Variants in OTOF observed in about 807,000 individuals in gnomAD.
OTOF encodes otoferlin.
Under a neutral mutation model 236.8 loss-of-function variants are expected in OTOF, and 218 were observed. The ratio of observed to expected loss-of-function variants is 0.92; its 90% CI spans 0.82 to 1.03. The LOEUF (loss-of-function observed/expected upper bound fraction) is 1.03, where lower values mean the gene tolerates loss of function less well. Among genes scored for constraint, OTOF ranks in the 50% least tolerant of loss-of-function variants. The pLI, the probability that OTOF is intolerant of heterozygous loss-of-function variation, is 0.00. For synonymous variants in OTOF, 1,041 were observed against 1,072.5 expected (o/e 0.97, Z 0.57); for missense variants, 2,590 against 2,694.4 (o/e 0.96, Z 0.86).
At chr2:26,547,272 T>G (rs914866283) in intron 1 of OTOF, among the ~76,000 whole-genome samples, 1 of 152,338 alleles carries the variant, frequency 6.6e-6, no homozygotes. Context: ...TGGTAAAATA[T>G]TTTGATTTTC....
At chr2:26,466,359 C>G (rs915429810) in intron 36 of OTOF, 9 of 519,188 alleles carry the variant, frequency 1.7e-5, no homozygotes, top group Non-Finnish European at 2.8e-5. Context: ...TCCTTTGAGA[C>G]AGAGTCTCGC....
At chr2:26,511,154 C>T (rs897039515) in intron 5 of OTOF, among the ~76,000 whole-genome samples, 1 of 152,060 alleles carries the variant, frequency 6.6e-6, no homozygotes. Context: ...CTCCTCTGCC[C>T]ACCGGCTCCC....
Position 26,549,445 on chromosome 2 carries a change from T to C in OTOF, c.79+9048A>G, listed in dbSNP as rs533838265. On this transcript the variant is annotated intron_variant, in intron 1 of 46. Transcript: ENST00000272371. ...CTCATGTTTCTTACATAGTATACTC[T>C]CTGAAAATCACCAATGACTCACAGA... 1.0e-3 allele frequency among the ~76,000 whole-genome samples: 157 copies of C among 152,318 alleles called. No homozygotes were observed. The South Asian group carries it at 0.012, about 11-fold the overall frequency.
intron 5 of OTOF, among the ~76,000 whole-genome samples, chr2:26,505,436 G>C (rs202054093): frequency 1.1e-4 from 12 of 112,758 alleles, no homozygotes; most frequent in South Asian, 6.2e-4. Context: ...CACACACACA[G>C]ACACACACAC....
chr2:26,513,085 A>C (rs1392013754), intron 5 of OTOF, among the ~76,000 whole-genome samples: 1 of 152,106 alleles, frequency 6.6e-6, no homozygotes, highest in Non-Finnish European at 1.5e-5. Context: ...CATGCGGCTG[A>C]CCAGGGCCTA....
chr2:26,537,567 C>T, intron 2 of OTOF, 149 bp downstream of exon 2: 2 of 695,486 alleles, frequency 2.9e-6, no homozygotes, highest in East Asian at 2.7e-5. Context: ...TCCTTACCAC[C>T]TCCTTCAGGA....
chr2:26,477,157 C>T lies in OTOF; in HGVS notation c.2523+15G>A, dbSNP rs1179496946. On this transcript the variant is annotated intron_variant, in intron 21 of 46. Coordinates refer to ENST00000272371, the MANE Select transcript of OTOF (RefSeq NM_194248.3). This position sits in a 1 kb window ranked among gnomAD's most constrained non-coding sequence, Gnocchi z 4.7. ...AGCCCTGGATGAGGCAAAGCCCCGA[C>T]CCCTTGGGCCGCACCTCGTCCGCCA... is the stretch of plus-strand genomic sequence containing the variant. 27 of 1,605,896 alleles carry T rather than the reference C, an allele frequency of 1.7e-5. No individual in the cohort carries two copies. Among genetic ancestry groups the T allele is most frequent in the Admixed American group, 3.3e-5 (2 of 59,854 alleles).
At chr2:26,505,113 A>C (rs990847195) in intron 5 of OTOF, among the ~76,000 whole-genome samples, 1 of 152,174 alleles carries the variant, frequency 6.6e-6, no homozygotes, top group African/African-American at 2.4e-5. Flanking sequence ...GCCCTATCCC[A>C]ACCCCAGGAC....
chr2:26,474,700 C>G lies in OTOF; in HGVS notation c.3127-26G>C, dbSNP rs369427316. 4.3e-6 allele frequency: 7 copies of G among 1,612,420 alleles called. No homozygotes were observed. In the African/African-American group the frequency reaches 8.0e-5, roughly 18 times the overall value. On this transcript the variant is annotated intron_variant, in intron 25 of 46. Transcript: ENST00000272371. ...CTGACGCAACAGACAACCCAGAAGC[C>G]TCTTGGTGCTTGCTGTCCACACCTG...
At chr2:26,485,207 C>T (rs1665672123) in intron 11 of OTOF, among the ~76,000 whole-genome samples, 1 of 152,256 alleles carries the variant, frequency 6.6e-6, no homozygotes, top group African/African-American at 2.4e-5. Context: ...ATCTGCTGCT[C>T]TTTGAGCTTG....
chr2:26,486,620 G>C (rs1486276274), intron 11 of OTOF, among the ~76,000 whole-genome samples: 1 of 152,186 alleles, frequency 6.6e-6, no homozygotes. Flanking sequence ...AGTGGGTGAA[G>C]GTTACAGGGT....
In OTOF at chr2:26,536,538, T is replaced by G. The variant is rs527631921; in HGVS notation, c.138+1178A>C. 4.5e-4 allele frequency among the ~76,000 whole-genome samples: 68 copies of G among 152,242 alleles called. 2 individuals carry two copies. Among genetic ancestry groups the G allele is most frequent in the African/African-American group, 1.6e-3 (66 of 41,538 alleles). On this transcript the variant is annotated intron_variant, in intron 2 of 46. Coordinates refer to ENST00000272371, the MANE Select transcript of OTOF (RefSeq NM_194248.3). Reference sequence around the variant, plus strand: ...GTGAGGAGCGAGGTTTTGCTCCCTGTGTCTCCAGCTCTGGGTCGATGGACA... The same window carrying G: ...GTGAGGAGCGAGGTTTTGCTCCCTGGGTCTCCAGCTCTGGGTCGATGGACA...
In OTOF at chr2:26,465,830, G is replaced by A. The variant is rs145770014; in HGVS notation, c.4641C>T (p.Ile1547=). 1.1e-5 allele frequency: 17 copies of A among 1,614,122 alleles called. No individual in the cohort carries two copies. Among genetic ancestry groups the A allele is most frequent in the African/African-American group, 5.3e-5 (4 of 74,938 alleles). Residue 1547 remains isoleucine, a synonymous_variant, in exon 38 of 47, where the codon ATC becomes ATT. Coordinates refer to ENST00000272371, the MANE Select transcript of OTOF (RefSeq NM_194248.3). ...TGGATTCCATGGGGAAGGAGGCCTC[G>A]ATGTCAAAGGACCTGGTGGGGTGGA... ...LNPVFGKSFD[I]EASFPMESML...
chr2:26,511,180 C>G (rs971372874), intron 5 of OTOF, among the ~76,000 whole-genome samples: 3 of 152,068 alleles, frequency 2.0e-5, no homozygotes, highest in African/African-American at 7.2e-5. Flanking sequence ...CCCCTGCTCC[C>G]CTCCAATGGG....
At chr2:26,509,586 C>T (rs1320526770) in intron 5 of OTOF, among the ~76,000 whole-genome samples, 3 of 152,144 alleles carry the variant, frequency 2.0e-5, no homozygotes, top group Non-Finnish European at 2.9e-5. Flanking sequence ...ATCCCAAGCC[C>T]ACACCAGTGT....
At position 26,470,083 on chromosome 2, in the gene OTOF, T is replaced by G. The variant is rs4665327; in HGVS notation, c.4023+510A>C. Among the ~76,000 whole-genome samples, 69,605 of 152,070 alleles carry G rather than the reference T, an allele frequency of 0.46. 17,247 individuals carry two copies. Among genetic ancestry groups the G allele is most frequent in the East Asian group, 0.98 (5,090 of 5,174 alleles). Reference sequence around the variant, plus strand: ...TGACCAAGATGTGTAAAATAAAACATTATGAAGAAGAGTCGTAAGGACTAC... The same window carrying G: ...TGACCAAGATGTGTAAAATAAAACAGTATGAAGAAGAGTCGTAAGGACTAC... On this transcript the variant is annotated intron_variant, in intron 32 of 46. Transcript: ENST00000272371. The surrounding 1 kb of genome is among the most constrained non-coding windows in gnomAD (Gnocchi z 4.3).
At chr2:26,555,817 G>A (rs1488310697) in intron 1 of OTOF, among the ~76,000 whole-genome samples, 1 of 152,208 alleles carries the variant, frequency 6.6e-6, no homozygotes. Flanking sequence ...CAAGGAGAAT[G>A]GGAATGGCTG....
At position 26,480,195 on chromosome 2, in the gene OTOF, G is replaced by T; in HGVS notation, c.1912+8C>A. 6.4e-7 allele frequency: 1 copy of T among 1,568,402 alleles called. No individual in the cohort carries two copies. The highest frequency in any genetic ancestry group is 8.8e-7 in the Non-Finnish European group (1 of 1,139,112). On this transcript the variant is annotated splice_region_variant and intron_variant, in intron 16 of 46. Coordinates refer to ENST00000272371, the MANE Select transcript of OTOF (RefSeq NM_194248.3). Reference sequence around the variant, plus strand: ...TAGGCCCGAAGCCCCCGTGGGCCCAGCACTCACCTATGGTGACCTCAAAGG... The same window carrying T: ...TAGGCCCGAAGCCCCCGTGGGCCCATCACTCACCTATGGTGACCTCAAAGG...
rs1664775117 is a variant in OTOF at position 26,467,231 on chromosome 2, T to C, written c.4230A>G (p.Val1410=). ...ACTCGGACTCCAGCTCTTTGGGGTA[T>C]ACCTGAGACAGACCAGGCTGTTAGG... ...KKKPKIDELK[V]YPKELESEFD... The change falls in exon 35 of 47, where the codon GTA becomes GTG. Residue 1410 remains valine (V), a splice_region_variant and synonymous_variant. Coordinates refer to ENST00000272371, the MANE Select transcript of OTOF (RefSeq NM_194248.3). 7 of 1,614,020 alleles carry C rather than the reference T, an allele frequency of 4.3e-6. No individual in the cohort carries two copies. The highest frequency in any genetic ancestry group is 1.3e-5 in the African/African-American group (1 of 74,922).
Sources: allele counts gnomAD v4.1 joint callset (sites outside exome capture counted in the v4.1 genomes callset), GRCh38; gene constraint gnomAD v4.1.1; non-coding constraint Gnocchi (gnomAD v3.1); transcripts MANE v1.5; gene names NCBI Gene and HGNC (gene_info 2026-07-23, HGNC 2026-07-21).